The following CHRM3 variants were observed in gnomAD, a reference collection of about 807,000 sequenced individuals.
The protein encoded by CHRM3 is muscarinic acetylcholine receptor M3.
CHRM3 carries 11 observed loss-of-function variants against 41.8 expected under a neutral mutation model. The observed-to-expected ratio is 0.26, with a 90% confidence interval of 0.17 to 0.44. The LOEUF (loss-of-function observed/expected upper bound fraction) is 0.44, where lower values mean the gene tolerates loss of function less well. CHRM3 is among the 20% of genes least tolerant of loss of function. The probability of loss-of-function intolerance (pLI) is 1.00; values close to 1 mark genes in which losing one functional copy is unlikely to be tolerated. For synonymous variants in CHRM3, 297 were observed against 301.4 expected (o/e 0.99, Z 0.15); for missense variants, 571 against 745.4 (o/e 0.77, Z 2.72).
At chr1:239,435,547 G>C (rs1337690870) in intron 1 of CHRM3, among the ~76,000 whole-genome samples, 1 of 151,718 alleles carries the variant, frequency 6.6e-6, no homozygotes, top group Non-Finnish European at 1.5e-5. Context: ...ACTGAATAAA[G>C]AAGTAAATAA....
intron 5 of CHRM3, among the ~76,000 whole-genome samples, chr1:239,695,068 T>A (rs2148025934): frequency 6.6e-6 from 1 of 152,352 alleles, no homozygotes; most frequent in African/African-American, 2.4e-5. Context: ...TGGAATGCAG[T>A]GGCGCCATCT....
At position 239,759,924 on chromosome 1, in the gene CHRM3, A is replaced by T. The variant is rs186209743; in HGVS notation, c.-146-67328A>T. On this transcript the variant is annotated intron_variant, in intron 5 of 6. Coordinates refer to ENST00000676153, the MANE Select transcript of CHRM3 (RefSeq NM_001375978.1). ...TTATTTTTGTTATTTTTATTTATTT[A>T]TTTTTTTTGAGATGGAGTCTCGCTC... Among the ~76,000 whole-genome samples, 678 of 151,428 alleles carry T rather than the reference A, an allele frequency of 4.5e-3. 6 individuals carry two copies. The highest frequency in any genetic ancestry group is 0.016 in the African/African-American group (648 of 41,322).
intron 4 of CHRM3, among the ~76,000 whole-genome samples, chr1:239,648,627 G>GT (rs1392393193): frequency 1.3e-5 from 2 of 152,154 alleles, no homozygotes; most frequent in African/African-American, 2.4e-5. Context: ...TGATTTCAAG[G>GT]ATAAGCTAAG....
chr1:239,473,687 T>C (rs1011048328), intron 1 of CHRM3, among the ~76,000 whole-genome samples: 1 of 152,174 alleles, frequency 6.6e-6, no homozygotes, highest in Non-Finnish European at 1.5e-5. Flanking sequence ...TGTGGAATCC[T>C]GTTCGCTGTG....
intron 5 of CHRM3, among the ~76,000 whole-genome samples, chr1:239,804,636 C>T (rs915119553): frequency 6.6e-6 from 1 of 152,164 alleles, no homozygotes; most frequent in Non-Finnish European, 1.5e-5. Flanking sequence ...TCCATAGAAT[C>T]TTTCCTGTGC....
intron 4 of CHRM3, among the ~76,000 whole-genome samples, chr1:239,647,714 G>A (rs1671863527): frequency 6.6e-6 from 1 of 152,136 alleles, no homozygotes; most frequent in African/African-American, 2.4e-5. Flanking sequence ...TAGCAAAACT[G>A]AGGTCCTCTG....
At chr1:239,720,051 A>C (rs572734766) in intron 5 of CHRM3, 1 of 152,096 alleles carries the variant, frequency 6.6e-6, no homozygotes, top group South Asian at 2.1e-4. Flanking sequence ...GGCACTAAAA[A>C]TACTTATGCA....
chr1:239,741,410 A>G (rs528341705), intron 5 of CHRM3, among the ~76,000 whole-genome samples: 10 of 152,236 alleles, frequency 6.6e-5, no homozygotes, highest in African/African-American at 2.4e-4. Context: ...TTCTCACATG[A>G]GGGTCTTATG....
rs780211765 is a variant in CHRM3, at chr1:239,386,917, C to T, written c.-831C>T. Reference sequence around the variant, plus strand: ...AGGTGCCGCGGCCGCTGCCCGGAGGCGGCATGTGACGCGCGGCCGCAGCTG... The same window carrying T: ...AGGTGCCGCGGCCGCTGCCCGGAGGTGGCATGTGACGCGCGGCCGCAGCTG... On this transcript the variant is annotated 5_prime_UTR_variant, in exon 1 of 7. Transcript: ENST00000676153. 6.6e-6 allele frequency: 1 copy of T among 151,914 alleles called. No homozygotes were observed. The highest frequency in any genetic ancestry group is 1.5e-5 in the Non-Finnish European group (1 of 67,972). The allele number at this position is 151,914 out of a possible 1,614,324, so 9.4% of individuals were successfully genotyped here. A position where few individuals can be genotyped will look rare whatever the true frequency, so the allele number is the denominator to read the frequency against.
At chr1:239,529,985 C>T (rs943897738) in intron 2 of CHRM3, among the ~76,000 whole-genome samples, 1 of 152,066 alleles carries the variant, frequency 6.6e-6, no homozygotes, top group Non-Finnish European at 1.5e-5. Context: ...GCAAGCTCCG[C>T]CTCCCAGGTT....
chr1:239,654,768 A>G (rs1206205826), intron 4 of CHRM3, among the ~76,000 whole-genome samples: 7 of 152,248 alleles, frequency 4.6e-5, no homozygotes, highest in Non-Finnish European at 1.0e-4. Context: ...TCTGGCGTCC[A>G]TGAATGAGTT....
intron 5 of CHRM3, among the ~76,000 whole-genome samples, chr1:239,791,793 G>T (rs1669373433): frequency 6.6e-6 from 1 of 152,164 alleles, no homozygotes; most frequent in African/African-American, 2.4e-5. Flanking sequence ...TCCTCAACGA[G>T]TTGTATAAAG....
chr1:239,662,350 T>A (rs1283966713), intron 4 of CHRM3, among the ~76,000 whole-genome samples: 1 of 152,110 alleles, frequency 6.6e-6, no homozygotes, highest in Non-Finnish European at 1.5e-5. Context: ...CTGTACATGA[T>A]TGTAGTAGGA....
intron 1 of CHRM3, among the ~76,000 whole-genome samples, chr1:239,433,623 C>T (rs1021574655): frequency 6.6e-6 from 1 of 151,948 alleles, no homozygotes; most frequent in African/African-American, 2.4e-5. Context: ...CCCACCCTTC[C>T]CCCAAGTTCC....
intron 6 of CHRM3, among the ~76,000 whole-genome samples, chr1:239,878,380 A>G (rs578064928): frequency 6.6e-6 from 1 of 152,134 alleles, no homozygotes; most frequent in Admixed American, 6.5e-5. Context: ...GCTCCTATGA[A>G]AATCCAATGC....
intron 1 of CHRM3, among the ~76,000 whole-genome samples, chr1:239,471,277 A>G (rs1016569222): frequency 1.1e-4 from 17 of 151,898 alleles, no homozygotes; most frequent in African/African-American, 2.9e-4. Flanking sequence ...CTGGAACTTA[A>G]CTGAGCTAGA....
intron 1 of CHRM3, among the ~76,000 whole-genome samples, chr1:239,411,384 T>G (rs551453127): frequency 1.1e-3 from 165 of 152,214 alleles, no homozygotes; most frequent in African/African-American, 3.8e-3. Flanking sequence ...ATAAGTAAGT[T>G]AGATACAGTT....
chr1:239,805,139 C>T (rs1468054446), intron 5 of CHRM3, among the ~76,000 whole-genome samples: 1 of 152,168 alleles, frequency 6.6e-6, no homozygotes, highest in Non-Finnish European at 1.5e-5. Flanking sequence ...CTATTTCACA[C>T]TTGGCATCTC....
At chr1:239,420,822 G>C (rs1387609126) in intron 1 of CHRM3, among the ~76,000 whole-genome samples, 1 of 152,072 alleles carries the variant, frequency 6.6e-6, no homozygotes, top group Non-Finnish European at 1.5e-5. Context: ...AAAAGAAAAT[G>C]AAACTTCTAT....
Sources: gnomAD v4.1 joint callset for allele counts (sites outside exome capture counted in the v4.1 genomes callset) on GRCh38, gnomAD v4.1.1 for gene constraint, MANE v1.5 for transcripts, NCBI Gene and HGNC (gene_info 2026-07-23, HGNC 2026-07-21) for gene names.